ZPLD1: variants seen among roughly 807,000 people sequenced by gnomAD.
The protein encoded by ZPLD1 is zona pellucida like domain containing 1, also known as zona pellucida-like domain-containing protein 1.
Under a neutral mutation model 47.2 loss-of-function variants are expected in ZPLD1, and 34 were observed. The observed-to-expected ratio is 0.72, with a 90% CI of 0.55 to 0.96. ZPLD1 has a LOEUF of 0.96. ZPLD1 is among the 40% of genes least tolerant of loss of function. The probability of loss-of-function intolerance (pLI) is 0.00; values close to 1 mark genes in which losing one functional copy is unlikely to be tolerated. For synonymous variants in ZPLD1, 176 were observed against 186.2 expected, an observed-to-expected ratio of 0.95 and a Z score of 0.45; for missense variants, 512 against 505.8, an observed-to-expected ratio of 1.01 and a Z score of -0.12.
chr3:102,467,336 C>T (rs1411329899), intron 8 of ZPLD1, among the ~76,000 whole-genome samples: 1 of 151,726 alleles, frequency 6.6e-6, no homozygotes, highest in Non-Finnish European at 1.5e-5. Flanking sequence ...CTAATCACGT[C>T]AAGAAAAAAA....
intron 6 of ZPLD1, among the ~76,000 whole-genome samples, chr3:102,388,790 A>C (rs562592870): frequency 6.6e-6 from 1 of 152,230 alleles, no homozygotes; most frequent in African/African-American, 2.4e-5. Flanking sequence ...AAAATATCAC[A>C]GTTAAAAAAT....
intron 7 of ZPLD1, among the ~76,000 whole-genome samples, chr3:102,401,641 A>T (rs1471353429): frequency 1.3e-5 from 2 of 151,996 alleles, no homozygotes; most frequent in East Asian, 3.9e-4. Context: ...CAGGAGCAAA[A>T]CCAGCTGATT....
chr3:102,408,770 C>T (rs1706719411), intron 7 of ZPLD1, among the ~76,000 whole-genome samples: 1 of 151,656 alleles, frequency 6.6e-6, no homozygotes, highest in African/African-American at 2.4e-5. Context: ...ACACTAAATC[C>T]CCTTTTCACT....
chr3:102,476,791 A>G (rs187881097), intron 10 of ZPLD1, among the ~76,000 whole-genome samples: 137 of 152,110 alleles, frequency 9.0e-4, no homozygotes, highest in African/African-American at 3.2e-3. Flanking sequence ...GGGCTTGGGG[A>G]ATAGAAAGAT....
chr3:102,414,178 A>G (rs959684171), intron 7 of ZPLD1, among the ~76,000 whole-genome samples: 5 of 151,934 alleles, frequency 3.3e-5, no homozygotes, highest in Admixed American at 6.6e-5. Flanking sequence ...GGGATTCTCA[A>G]TTTAACTACT....
intron 6 of ZPLD1, among the ~76,000 whole-genome samples, chr3:102,390,321 C>T (rs1034745147): frequency 1.3e-5 from 2 of 152,138 alleles, no homozygotes; most frequent in African/African-American, 2.4e-5. Context: ...TAAGTTTCTC[C>T]GTTTTAGAAT....
chr3:102,398,840 A>G (rs981727541), intron 7 of ZPLD1, among the ~76,000 whole-genome samples: 1 of 152,138 alleles, frequency 6.6e-6, no homozygotes, highest in Non-Finnish European at 1.5e-5. Flanking sequence ...GCATATTTAT[A>G]CTGCTGCTAC....
intron 8 of ZPLD1, among the ~76,000 whole-genome samples, chr3:102,420,398 C>T (rs1186964510): frequency 6.6e-6 from 1 of 151,890 alleles, no homozygotes; most frequent in African/African-American, 2.4e-5. Context: ...GCAGGGTGAG[C>T]AAACTTTTCC....
chr3:102,424,353 A>G (rs1192453535), intron 8 of ZPLD1, among the ~76,000 whole-genome samples: 2 of 152,156 alleles, frequency 1.3e-5, no homozygotes, highest in Admixed American at 6.6e-5. Context: ...TTCATTCACA[A>G]ATGAATGTCC....
chr3:102,472,677 A>G (rs182808929), intron 10 of ZPLD1, among the ~76,000 whole-genome samples: 1 of 152,212 alleles, frequency 6.6e-6, no homozygotes, highest in Admixed American at 6.5e-5. Flanking sequence ...TTGGGTAGGC[A>G]CAATAAAAGA....
intron 3 of ZPLD1, among the ~76,000 whole-genome samples, chr3:102,448,321 C>T (rs1351582758): frequency 3.3e-5 from 5 of 152,146 alleles, no homozygotes; most frequent in Non-Finnish European, 7.4e-5. Context: ...TAGTCTTGAA[C>T]ATCATAATTC....
intron 6 of ZPLD1, among the ~76,000 whole-genome samples, chr3:102,386,060 A>G (rs907465878): frequency 6.6e-6 from 1 of 152,176 alleles, no homozygotes. Flanking sequence ...CTTGCAAGAA[A>G]TCATCACATC....
At chr3:102,472,981 A>C (rs1707707476) in intron 10 of ZPLD1, among the ~76,000 whole-genome samples, 1 of 152,218 alleles carries the variant, frequency 6.6e-6, no homozygotes, top group Non-Finnish European at 1.5e-5. Context: ...CAATCATGGC[A>C]GAAGGCAAAG....
chr3:102,470,523 G>A (rs775838454), intron 10 of ZPLD1, 21 bp downstream of exon 10: 1 of 1,600,412 alleles, frequency 6.2e-7, no homozygotes, highest in Non-Finnish European at 8.6e-7. Context: ...TCCTCCTTCT[G>A]TATGTAGTAA....
intron 7 of ZPLD1, among the ~76,000 whole-genome samples, chr3:102,394,355 A>G (rs534376485): frequency 6.8e-4 from 103 of 152,186 alleles, no homozygotes; most frequent in Non-Finnish European, 1.3e-3. Flanking sequence ...TACACAGATA[A>G]AATATTTTTG....
chr3:102,429,897 G>A (rs1419674123), intron 8 of ZPLD1, among the ~76,000 whole-genome samples: 1 of 152,148 alleles, frequency 6.6e-6, no homozygotes, highest in Non-Finnish European at 1.5e-5. Context: ...CCTAGTTTCT[G>A]AGAATGTAAC....
chr3:102,405,153 G>A (rs182307188), intron 7 of ZPLD1, among the ~76,000 whole-genome samples: 21 of 152,050 alleles, frequency 1.4e-4, no homozygotes, highest in Admixed American at 5.3e-4. Context: ...TAATCCCAAA[G>A]CAAGAGTCAT....
At chr3:102,427,921 T>C (rs1445474054) in intron 8 of ZPLD1, among the ~76,000 whole-genome samples, 1 of 152,216 alleles carries the variant, frequency 6.6e-6, no homozygotes, top group Non-Finnish European at 1.5e-5. Flanking sequence ...ATCATAAAGA[T>C]AGTTTCCCAT....
intron 7 of ZPLD1, among the ~76,000 whole-genome samples, chr3:102,415,963 C>T (rs1181562161): frequency 2.6e-5 from 4 of 151,858 alleles, no homozygotes; most frequent in Admixed American, 1.3e-4. Flanking sequence ...AGGATAACTC[C>T]TCAGCTTTCC....
Sources: allele counts gnomAD v4.1 joint callset (sites outside exome capture counted in the v4.1 genomes callset), GRCh38; gene constraint gnomAD v4.1.1; transcripts MANE v1.5; gene names NCBI Gene and HGNC (gene_info 2026-07-23, HGNC 2026-07-21).